GDF5: variants seen among roughly 807,000 people sequenced by gnomAD.
The protein encoded by GDF5 is growth differentiation factor 5, also known as growth/differentiation factor 5.
Under a neutral mutation model 34.6 loss-of-function variants are expected in GDF5, and 17 were observed. The observed-to-expected ratio is 0.49, with a 90% CI of 0.34 to 0.74. The LOEUF (loss-of-function observed/expected upper bound fraction) is 0.74, where lower values mean the gene tolerates loss of function less well. GDF5 is among the 30% of genes least tolerant of loss of function. The pLI is 0.01. For synonymous variants in GDF5, 332 were observed against 290.7 expected, an observed-to-expected ratio of 1.14 and a Z score of -1.44; for missense variants, 616 against 661.2, an observed-to-expected ratio of 0.93 and a Z score of 0.75.
chr20:35,438,206 C>T lies in GDF5; in HGVS notation c.-278G>A, dbSNP rs561743586. ...TCGTTCTTGAAAGGAGAAAGCCGAC[C>T]GCCCCCTTTCTCCTGCACAACTGAC... is the stretch of plus-strand genomic sequence containing the variant. On this transcript the variant is annotated 5_prime_UTR_variant, in exon 1 of 2. Coordinates refer to ENST00000374369, the MANE Select transcript of GDF5 (RefSeq NM_000557.5). The T allele has an allele frequency of 1.6e-5, 8 of 502,634 alleles. No individual in the cohort carries two copies. The highest frequency in any genetic ancestry group is 8.7e-5 in the South Asian group (4 of 46,206). 31.1% of individuals were successfully genotyped at this position (502,634 alleles called of 1,614,324 possible). A position where few individuals can be genotyped will look rare whatever the true frequency, so the allele number is the denominator to read the frequency against.
At chr20:35,435,987 C>CGT (rs200686436) in intron 1 of GDF5, among the ~76,000 whole-genome samples, 17 of 151,938 alleles carry the variant, frequency 1.1e-4, no homozygotes, top group African/African-American at 2.7e-4. Context: ...TGATTCAGCA[C>CGT]GTGTGTGTGT....
At position 35,437,770 on chromosome 20, in the gene GDF5, C is replaced by T. The variant is rs774637826; in HGVS notation, c.159G>A (p.Leu53=). The part of the protein sequence containing the change: ...AKAEAKERPP[L]ARNVFRPGGH... ...CCCCTGGCCTGAAGACGTTCCGGGCCAGGGGGGGCCTCTCCTTGGCCTCTG... is the reference window on the plus strand; with the variant it reads ...CCCCTGGCCTGAAGACGTTCCGGGCTAGGGGGGGCCTCTCCTTGGCCTCTG... The change falls in exon 1 of 2, where the codon CTG becomes CTA. Residue 53 remains leucine (L), a synonymous_variant. Coordinates refer to ENST00000374369, the MANE Select transcript of GDF5 (RefSeq NM_000557.5). 3 of 1,611,930 alleles carry T rather than the reference C, an allele frequency of 1.9e-6. No individual in the cohort carries two copies. The highest frequency in any genetic ancestry group is 2.7e-5 in the African/African-American group (2 of 74,894).
At chr20:35,435,997 T>A (rs1180717862) in intron 1 of GDF5, among the ~76,000 whole-genome samples, 1 of 152,128 alleles carries the variant, frequency 6.6e-6, no homozygotes, top group African/African-American at 2.4e-5. Flanking sequence ...CGTGTGTGTG[T>A]GAGTCAGCAT....
Position 35,437,866 on chromosome 20 carries a change from G to A in GDF5, c.63C>T (p.Phe21=). The A allele has an allele frequency of 6.2e-7, 1 of 1,614,142 alleles. No individual in the cohort carries two copies. The highest frequency in any genetic ancestry group is 8.5e-7 in the Non-Finnish European group (1 of 1,180,020). The change falls in exon 1 of 2, where the codon TTC becomes TTT. Residue 21 remains phenylalanine, a synonymous_variant. Transcript: ENST00000374369. ...LWYLAWLDLE[F]ICTVLGAPDL... The stretch of plus-strand genomic sequence containing the variant: ...CAGGGGCACCCAACACAGTGCAGAT[G>A]AATTCCAGGTCCAGCCAAGCCAGGT...
chr20:35,451,195 G>C (rs1271588018), intron 1 of GDF5, among the ~76,000 whole-genome samples: 2 of 150,694 alleles, frequency 1.3e-5, no homozygotes, highest in Non-Finnish European at 3.0e-5. Context: ...TCTTGGCATG[G>C]GCTAGGAGGA....
chr20:35,451,052 A>ATATATATATAT lies in GDF5; in HGVS notation c.-398+3587_-398+3588insATATATATATA, dbSNP rs1483480159. 2.7e-3 allele frequency among the ~76,000 whole-genome samples: 62 copies of ATATATATATAT among 22,882 alleles called. 1 individual carries two copies. Among genetic ancestry groups the ATATATATATAT allele is most frequent in the African/African-American group, 4.7e-3 (29 of 6,212 alleles). 15.0% of individuals were successfully genotyped at this position (22,882 alleles called of 152,430 possible). On this transcript the variant is annotated intron_variant, in intron 1 of 3. Coordinates refer to the GDF5 transcript ENST00000374372. ...GATTTTAGACTAACAGAAAAAAAAA[A>ATATATATATAT]AAAAAAAAAAAAATATATATATATA...
chr20:35,454,113 GT>G (rs777172884), intron 1 of GDF5: 1 of 442,638 alleles, frequency 2.3e-6, no homozygotes, highest in South Asian at 1.7e-5. Context: ...GAGTGCAAGA[GT>G]GAGGCAGGTA....
intron 1 of GDF5, among the ~76,000 whole-genome samples, chr20:35,444,746 CA>C (rs1318237376): frequency 6.6e-6 from 1 of 152,182 alleles, no homozygotes; most frequent in African/African-American, 2.4e-5. Flanking sequence ...AGGTGCCCGT[CA>C]CCATGCCCAG....
intron 1 of GDF5, 41 bp downstream of exon 1, chr20:35,437,257 C>A: frequency 7.3e-7 from 1 of 1,361,454 alleles, no homozygotes; most frequent in Non-Finnish European, 1.0e-6. Flanking sequence ...ATGCAGATGC[C>A]CCTCCCTCTG....
At chr20:35,449,567 C>T (rs1157680738) in intron 1 of GDF5, among the ~76,000 whole-genome samples, 1 of 152,184 alleles carries the variant, frequency 6.6e-6, no homozygotes, top group Non-Finnish European at 1.5e-5. Context: ...TGCTTGCCTG[C>T]CATGTGAGTT....
intron 1 of GDF5, among the ~76,000 whole-genome samples, chr20:35,436,812 T>G (rs1367394451): frequency 6.6e-6 from 1 of 152,162 alleles, no homozygotes; most frequent in Non-Finnish European, 1.5e-5. Flanking sequence ...GACTCCAAGA[T>G]GCCCCATTTA....
At chr20:35,435,372 C>T (rs2146580830) in intron 1 of GDF5, 1 of 140,072 alleles carries the variant, frequency 7.1e-6, no homozygotes, top group South Asian at 2.3e-4. Flanking sequence ...GATTGATTGA[C>T]CCCAGGGAGG....
chr20:35,437,419 G>C lies in GDF5; in HGVS notation c.510C>G (p.His170Gln). ...TCCTGTACAGCGAGAGCATGTACTCGTGGGGTGTGATGGGGGGTGGGCGAA... is the reference window on the plus strand; with the variant it reads ...TCCTGTACAGCGAGAGCATGTACTCCTGGGGTGTGATGGGGGGTGGGCGAA... The part of the protein sequence containing the change: ...EPFRPPPITP[H>Q]EYMLSLYRTL... The change falls in exon 1 of 2, where the codon CAC becomes CAG. Residue 170 changes from histidine to glutamine, a missense_variant. Physicochemically the swap from His to Gln is conservative, Grantham distance 24. Transcript: ENST00000374369. 1.2e-6 allele frequency: 2 copies of C among 1,613,808 alleles called. No homozygotes were observed. The highest frequency in any genetic ancestry group is 1.7e-6 in the Non-Finnish European group (2 of 1,179,720).
In GDF5 at chr20:35,438,123, A is replaced by G. The variant is rs1261242057; in HGVS notation, c.-195T>C. Reference sequence around the variant, plus strand: ...GGTGTGTGTTTGTATCCAGTCCCATAGTGGAAATGCTCTCGTATCCAGACG... The same window carrying G: ...GGTGTGTGTTTGTATCCAGTCCCATGGTGGAAATGCTCTCGTATCCAGACG... On this transcript the variant is annotated 5_prime_UTR_variant, in exon 1 of 2. Transcript: ENST00000374369. 1 of 640,178 alleles carries G rather than the reference A, an allele frequency of 1.6e-6. No individual in the cohort carries two copies. Among genetic ancestry groups the G allele is most frequent in the Non-Finnish European group, 2.8e-6 (1 of 362,584 alleles). The allele number at this position is 640,178 out of a possible 1,614,324, so 39.7% of individuals were successfully genotyped here.
At chr20:35,448,439 C>T (rs548772148) in intron 1 of GDF5, among the ~76,000 whole-genome samples, 80 of 131,740 alleles carry the variant, frequency 6.1e-4, no homozygotes, top group African/African-American at 2.1e-3. Context: ...TAGTTAAGGG[C>T]CCCCCCGACT....
intron 1 of GDF5, among the ~76,000 whole-genome samples, chr20:35,453,781 G>T (rs1255580410): frequency 3.9e-5 from 6 of 152,158 alleles, no homozygotes; most frequent in African/African-American, 1.4e-4. Flanking sequence ...TTTGGCTGTG[G>T]ATTAACCTGA....
rs754016979 is a variant in GDF5 at position 35,437,386 on chromosome 20, G to A, written c.543C>T (p.Ser181=). 1.4e-5 allele frequency: 22 copies of A among 1,612,614 alleles called. No individual in the cohort carries two copies. The highest frequency in any genetic ancestry group is 5.0e-5 in the Admixed American group (3 of 59,960). ...TGTTGCCTCCCTTTCTGTCAGCATC[G>A]GACAGCGTCCTGTACAGCGAGAGCA... ...EYMLSLYRTL[S]DADRKGGNSS... is the part of the protein sequence containing the mutation. The change falls in exon 1 of 2, where the codon TCC becomes TCT. Residue 181 remains serine, a synonymous_variant. Coordinates refer to ENST00000374369, the MANE Select transcript of GDF5 (RefSeq NM_000557.5).
upstream of GDF5, among the ~76,000 whole-genome samples, chr20:35,442,402 T>C (rs1349294083): frequency 1.3e-5 from 2 of 151,924 alleles, no homozygotes; most frequent in Non-Finnish European, 2.9e-5. Flanking sequence ...AAAAAGCATT[T>C]TGTAAGCTCA....
Position 35,433,620 on chromosome 20 carries a change from A to G in GDF5, c.*289T>C, listed in dbSNP as rs2062452373. On this transcript the variant is annotated 3_prime_UTR_variant, in exon 2 of 2. Coordinates refer to ENST00000374369, the MANE Select transcript of GDF5 (RefSeq NM_000557.5). ...AAATGGTGGGCTGAGTCTCATCGGAAAGCACTGTTTCCTGGGACTCAGTCC... is the reference window on the plus strand; with the variant it reads ...AAATGGTGGGCTGAGTCTCATCGGAGAGCACTGTTTCCTGGGACTCAGTCC... 3 of 470,696 alleles carry G rather than the reference A, an allele frequency of 6.4e-6. No individual in the cohort carries two copies. The highest frequency in any genetic ancestry group is 1.2e-5 in the Non-Finnish European group (3 of 254,554). 29.2% of individuals were successfully genotyped at this position (470,696 alleles called of 1,614,324 possible). A position where few individuals can be genotyped will look rare whatever the true frequency, so the allele number is the denominator to read the frequency against.
Sources: allele counts gnomAD v4.1 joint callset (sites outside exome capture counted in the v4.1 genomes callset), GRCh38; gene constraint gnomAD v4.1.1; transcripts MANE v1.5; gene names NCBI Gene and HGNC (gene_info 2026-07-23, HGNC 2026-07-21).